The following TMC1 variants were observed in gnomAD, a reference collection of about 807,000 sequenced individuals.
TMC1 encodes transmembrane channel like 1.
Under a neutral mutation model 105.8 loss-of-function variants are expected in TMC1, and 84 were observed. The observed-to-expected ratio is 0.79, with a 90% CI of 0.67 to 0.95. The LOEUF is 0.95. Ranked by LOEUF, TMC1 falls within the 40% of genes least tolerant of loss-of-function variation. The pLI is 0.00. For synonymous variants in TMC1, 315 were observed against 311.5 expected (o/e 1.01, Z -0.12); for missense variants, 817 against 914.1 (o/e 0.89, Z 1.37).
At position 72,654,955 on chromosome 9, in the gene TMC1, T is replaced by C. The variant is rs528070410; in HGVS notation, c.16+6291T>C. On this transcript the variant is annotated intron_variant, in intron 5 of 23. Coordinates refer to ENST00000297784, the MANE Select transcript of TMC1 (RefSeq NM_138691.3). ...CCTTTAGCTAATTTTTGAAAGTTTT[T>C]TGATGGACATATGATATGGTTTGGC... Among the ~76,000 whole-genome samples, 8 of 152,342 alleles carry C rather than the reference T, an allele frequency of 5.3e-5. No homozygotes were observed. The South Asian group carries it at 1.0e-3, about 20-fold the overall frequency.
chr9:72,578,082 T>C (rs552196404), intron 2 of TMC1, 59 bp downstream of exon 2: 11 of 152,294 alleles, frequency 7.2e-5, no homozygotes, highest in African/African-American at 2.6e-4. Flanking sequence ...GGTTTCACCA[T>C]GTTGGTCAGG....
At chr9:72,685,530 AT>A (rs1201659365) in intron 5 of TMC1, among the ~76,000 whole-genome samples, 1 of 151,746 alleles carries the variant, frequency 6.6e-6, no homozygotes, top group Non-Finnish European at 1.5e-5. Context: ...AGCCCAGCTA[AT>A]TTTTGTGTTT....
chr9:72,568,458 C>T lies in TMC1; in HGVS notation c.-427-9444C>T, dbSNP rs568544980. ...AGATTGCTTCAGGCTCTTCTGTTAACGTTACATTTATTCAACAACTCTTTA... is the reference window on the plus strand; with the variant it reads ...AGATTGCTTCAGGCTCTTCTGTTAATGTTACATTTATTCAACAACTCTTTA... On this transcript the variant is annotated intron_variant, in intron 1 of 23. Coordinates refer to ENST00000297784, the MANE Select transcript of TMC1 (RefSeq NM_138691.3). 9.9e-5 allele frequency among the ~76,000 whole-genome samples: 15 copies of T among 152,228 alleles called. No individual in the cohort carries two copies. The South Asian group carries it at 2.1e-3, about 21-fold the overall frequency.
intron 10 of TMC1, among the ~76,000 whole-genome samples, chr9:72,746,752 A>T (rs1022024165): frequency 6.6e-6 from 1 of 151,922 alleles, no homozygotes; most frequent in African/African-American, 2.4e-5. Context: ...TCACCTGATG[A>T]CTCCCAACTC....
At chr9:72,649,628 A>G (rs1210802660) in intron 5 of TMC1, among the ~76,000 whole-genome samples, 3 of 152,184 alleles carry the variant, frequency 2.0e-5, no homozygotes, top group Non-Finnish European at 4.4e-5. Flanking sequence ...TTTTGAAAAA[A>G]CAAAAACAAA....
At chr9:72,587,183 A>T (rs1824567696) in intron 2 of TMC1, among the ~76,000 whole-genome samples, 1 of 147,962 alleles carries the variant, frequency 6.8e-6, no homozygotes, top group Admixed American at 6.7e-5. Context: ...TTTGACATGG[A>T]GTTTCACTCT....
intron 21 of TMC1, among the ~76,000 whole-genome samples, chr9:72,829,246 T>G (rs1829004520): frequency 6.6e-6 from 1 of 152,212 alleles, no homozygotes; most frequent in Non-Finnish European, 1.5e-5. Flanking sequence ...TTTCCCCCAA[T>G]GGATTATATT....
chr9:72,570,249 GT>G (rs1824252494), intron 1 of TMC1, among the ~76,000 whole-genome samples: 1 of 151,156 alleles, frequency 6.6e-6, no homozygotes, highest in South Asian at 2.1e-4. Flanking sequence ...GTGTGTGTGT[GT>G]GTGTGTGTGT....
chr9:72,737,681 C>T (rs967356071), intron 8 of TMC1, among the ~76,000 whole-genome samples: 3 of 152,168 alleles, frequency 2.0e-5, no homozygotes, highest in African/African-American at 7.2e-5. Flanking sequence ...TAGAAAGTGC[C>T]TGCTGGCTGC....
chr9:72,635,648 A>G (rs896332062), intron 4 of TMC1, among the ~76,000 whole-genome samples: 1 of 152,218 alleles, frequency 6.6e-6, no homozygotes, highest in Non-Finnish European at 1.5e-5. Context: ...GATTTGGGAA[A>G]CTTCGAGAAT....
chr9:72,765,142 G>A (rs1245253650), intron 12 of TMC1, among the ~76,000 whole-genome samples: 1 of 152,190 alleles, frequency 6.6e-6, no homozygotes, highest in Non-Finnish European at 1.5e-5. Context: ...AAATGGTCTT[G>A]CTGATTTAGA....
intron 2 of TMC1, among the ~76,000 whole-genome samples, chr9:72,613,102 T>G (rs1213133481): frequency 1.3e-5 from 2 of 151,574 alleles, no homozygotes; most frequent in Admixed American, 1.3e-4. Context: ...TCATAAAAAG[T>G]GGTGTAAGTT....
intron 1 of TMC1, among the ~76,000 whole-genome samples, chr9:72,553,136 G>A (rs1823882931): frequency 2.0e-5 from 3 of 152,002 alleles, no homozygotes; most frequent in Admixed American, 2.0e-4. Flanking sequence ...ACCATGCTGG[G>A]CTAATTTTGT....
chr9:72,753,009 C>A (rs1827606843), intron 11 of TMC1, among the ~76,000 whole-genome samples: 1 of 152,154 alleles, frequency 6.6e-6, no homozygotes, highest in Non-Finnish European at 1.5e-5. Context: ...AATGGAGTCA[C>A]ATAATGCTGA....
chr9:72,813,807 G>A (rs915765578), intron 18 of TMC1, among the ~76,000 whole-genome samples: 9 of 152,160 alleles, frequency 5.9e-5, no homozygotes, highest in African/African-American at 1.2e-4. Context: ...AGCTTACCTA[G>A]CTAAGAAATG....
chr9:72,602,507 T>A (rs1824835202), intron 2 of TMC1, among the ~76,000 whole-genome samples: 1 of 151,556 alleles, frequency 6.6e-6, no homozygotes, highest in African/African-American at 2.4e-5. Context: ...CCTGAGCAAC[T>A]GGGACTACAG....
intron 18 of TMC1, among the ~76,000 whole-genome samples, chr9:72,815,068 CT>C (rs1181333131): frequency 1.3e-5 from 2 of 151,954 alleles, no homozygotes; most frequent in African/African-American, 4.8e-5. Context: ...TCTTGGCCCT[CT>C]CATTTCGTAT....
Position 72,636,119 on chromosome 9 carries a change from G to A in TMC1, c.-53+8056G>A, listed in dbSNP as rs189327122. On this transcript the variant is annotated intron_variant, in intron 4 of 23. Coordinates refer to ENST00000297784, the MANE Select transcript of TMC1 (RefSeq NM_138691.3). The stretch of plus-strand genomic sequence containing the variant: ...GAATAAAGACCAAACTTCTACCCGG[G>A]TGGGTAGGGCTTATCCTGAGGATGG... Among the ~76,000 whole-genome samples the A allele has an allele frequency of 2.6e-3, 400 of 152,250 alleles. 2 individuals are homozygous for A. The highest frequency in any genetic ancestry group is 4.8e-3 in the Non-Finnish European group (324 of 68,026).
At chr9:72,599,136 T>C (rs1242593402) in intron 2 of TMC1, among the ~76,000 whole-genome samples, 1 of 152,208 alleles carries the variant, frequency 6.6e-6, no homozygotes, top group East Asian at 1.9e-4. Flanking sequence ...GTTCAAGCGA[T>C]TCTCATGCCT....
Sources: gnomAD v4.1 joint callset for allele counts (sites outside exome capture counted in the v4.1 genomes callset) on GRCh38, gnomAD v4.1.1 for gene constraint, MANE v1.5 for transcripts, NCBI Gene and HGNC (gene_info 2026-07-23, HGNC 2026-07-21) for gene names.